The following MGAT4C variants were observed in gnomAD, a reference collection of about 807,000 sequenced individuals.
MGAT4C encodes the protein alpha-1,3-mannosyl-glycoprotein 4-beta-N-acetylglucosaminyltransferase C.
In MGAT4C, 19 loss-of-function variants were observed where a neutral mutation model predicts 40.1. The observed-to-expected ratio is 0.47, with a 90% CI of 0.33 to 0.70. MGAT4C has a LOEUF of 0.70. MGAT4C is among the 30% of genes least tolerant of loss of function. The pLI is 0.02. For missense variants in MGAT4C, 491 were observed against 563.2 expected, an observed-to-expected ratio of 0.87 and a Z score of 1.30; for synonymous variants, 181 against 187.1, an observed-to-expected ratio of 0.97 and a Z score of 0.27.
At chr12:86,013,635 C>A in intron 2 of MGAT4C, 9 of 600,800 alleles carry the variant, frequency 1.5e-5, no homozygotes, top group Non-Finnish European at 1.7e-5. Context: ...ACTTATAAAT[C>A]TGTGAACGTG....
intron 1 of MGAT4C, among the ~76,000 whole-genome samples, chr12:86,186,367 A>G (rs1294602462): frequency 6.6e-6 from 1 of 152,184 alleles, no homozygotes; most frequent in South Asian, 2.1e-4. Flanking sequence ...GAGGTCACTC[A>G]CTGAGTTTAA....
chr12:86,026,396 G>A (rs972555210), intron 2 of MGAT4C, among the ~76,000 whole-genome samples: 2 of 151,318 alleles, frequency 1.3e-5, no homozygotes, highest in East Asian at 1.9e-4. Context: ...TAACACATAC[G>A]TTGAACCATA....
chr12:86,688,776 C>T (rs1950121089), intron 2 of MGAT4C, among the ~76,000 whole-genome samples: 1 of 152,152 alleles, frequency 6.6e-6, no homozygotes, highest in African/African-American at 2.4e-5. Flanking sequence ...TTGCCCTTAA[C>T]ATTTTTTCCT....
intron 2 of MGAT4C, among the ~76,000 whole-genome samples, chr12:86,547,994 T>C (rs1338843501): frequency 6.6e-6 from 1 of 152,182 alleles, no homozygotes; most frequent in African/African-American, 2.4e-5. Flanking sequence ...TTAGGTTATC[T>C]GAAGAAGTCT....
intron 1 of MGAT4C, among the ~76,000 whole-genome samples, chr12:86,200,133 T>TTG (rs1219498506): frequency 1.2e-5 from 1 of 84,270 alleles, no homozygotes; most frequent in African/African-American, 2.9e-5. Context: ...ATTTGTTTTT[T>TTG]TTTTTTTTTT....
At chr12:86,603,977 C>T (rs1397980365) in intron 2 of MGAT4C, among the ~76,000 whole-genome samples, 1 of 151,186 alleles carries the variant, frequency 6.6e-6, no homozygotes, top group African/African-American at 2.4e-5. Flanking sequence ...GATATCAGAA[C>T]ATGATATTAT....
intron 1 of MGAT4C, among the ~76,000 whole-genome samples, chr12:86,252,464 G>C (rs543391889): frequency 3.3e-5 from 5 of 151,936 alleles, no homozygotes; most frequent in African/African-American, 1.2e-4. Flanking sequence ...TAGGTTCTAC[G>C]TATGGATTGG....
chr12:86,426,339 A>T (rs1004797177), intron 3 of MGAT4C, among the ~76,000 whole-genome samples: 1 of 152,190 alleles, frequency 6.6e-6, no homozygotes, highest in Non-Finnish European at 1.5e-5. Context: ...TATTGAGAAG[A>T]GCAGAAAGTG....
intron 1 of MGAT4C, among the ~76,000 whole-genome samples, chr12:86,748,022 T>G (rs11104067): frequency 1.3e-5 from 2 of 151,264 alleles, no homozygotes; most frequent in African/African-American, 4.8e-5. Context: ...TTATAAGCAA[T>G]TAGGAACCAA....
intron 3 of MGAT4C, among the ~76,000 whole-genome samples, chr12:86,391,038 A>G (rs557359624): frequency 6.6e-6 from 1 of 151,836 alleles, no homozygotes; most frequent in South Asian, 2.1e-4. Flanking sequence ...GAGTCACTTA[A>G]TTTTTTTTTC....
intron 3 of MGAT4C, among the ~76,000 whole-genome samples, chr12:86,362,945 C>T (rs1955514185): frequency 6.6e-6 from 1 of 150,690 alleles, no homozygotes; most frequent in African/African-American, 2.4e-5. Context: ...GGAAAATTAC[C>T]AATGACAAAG....
rs545190581 is a variant in MGAT4C, at chr12:86,323,813, G to A, written c.-57+10252C>T. The stretch of plus-strand genomic sequence containing the variant: ...GATGCTTCCGACAATTCCTATTATC[G>A]CAATTTGATATTTAAATCAAGAACT... On this transcript the variant is annotated intron_variant, in intron 4 of 7. Coordinates refer to the MGAT4C transcript ENST00000548651. Among the ~76,000 whole-genome samples the A allele has an allele frequency of 5.3e-5, 8 of 151,684 alleles. No homozygotes were observed. In the South Asian group the frequency reaches 1.7e-3, roughly 31 times the overall value.
At chr12:86,129,519 A>G (rs1318520510) in intron 1 of MGAT4C, among the ~76,000 whole-genome samples, 1 of 148,368 alleles carries the variant, frequency 6.7e-6, no homozygotes, top group Non-Finnish European at 1.5e-5. Context: ...TTGCTTACAT[A>G]CAACTGAGTT....
chr12:86,671,051 A>G (rs2136563687), intron 2 of MGAT4C, among the ~76,000 whole-genome samples: 1 of 152,326 alleles, frequency 6.6e-6, no homozygotes, highest in Non-Finnish European at 1.5e-5. Flanking sequence ...AAATATAGTC[A>G]TTCTCAATTG....
chr12:86,376,333 C>T (rs903954653), intron 3 of MGAT4C, among the ~76,000 whole-genome samples: 2 of 151,812 alleles, frequency 1.3e-5, no homozygotes, highest in African/African-American at 4.8e-5. Context: ...AGCTGAGATC[C>T]AACCACCGCA....
At chr12:86,046,764 A>G (rs1892434957) in intron 2 of MGAT4C, among the ~76,000 whole-genome samples, 1 of 152,174 alleles carries the variant, frequency 6.6e-6, no homozygotes, top group African/African-American at 2.4e-5. Context: ...TTCTGTCACA[A>G]TACACAGTGA....
At chr12:86,515,498 TA>T (rs1351011734) in intron 2 of MGAT4C, among the ~76,000 whole-genome samples, 1 of 151,970 alleles carries the variant, frequency 6.6e-6, no homozygotes, top group Non-Finnish European at 1.5e-5. Context: ...AAGAACAACT[TA>T]AAAATGGAAT....
At chr12:86,030,231 C>A (rs975493242) in intron 2 of MGAT4C, among the ~76,000 whole-genome samples, 24 of 151,666 alleles carry the variant, frequency 1.6e-4, no homozygotes, top group African/African-American at 5.3e-4. Context: ...CATTTGGAAT[C>A]TCATGCCAAC....
chr12:86,607,341 G>T (rs1962077349), intron 2 of MGAT4C, among the ~76,000 whole-genome samples: 1 of 151,962 alleles, frequency 6.6e-6, no homozygotes, highest in African/African-American at 2.4e-5. Context: ...TAAAAATAGT[G>T]CTCAATGTTA....
Sources: gnomAD v4.1 joint callset for allele counts (sites outside exome capture counted in the v4.1 genomes callset) on GRCh38, gnomAD v4.1.1 for gene constraint, MANE v1.5 for transcripts, NCBI Gene and HGNC (gene_info 2026-07-23, HGNC 2026-07-21) for gene names.